The following TBC1D10B variants were observed in gnomAD, a reference collection of about 807,000 sequenced individuals.
TBC1D10B encodes the protein Rab27A-GAPbeta.
TBC1D10B carries 25 observed loss-of-function variants against 78.4 expected under a neutral mutation model. The observed-to-expected ratio is 0.32, with a 90% CI of 0.23 to 0.45. The LOEUF (loss-of-function observed/expected upper bound fraction) is 0.45, where lower values mean the gene tolerates loss of function less well. TBC1D10B is among the 20% of genes least tolerant of loss of function. The probability of loss-of-function intolerance (pLI) is 1.00; values close to 1 mark genes in which losing one functional copy is unlikely to be tolerated. For missense variants in TBC1D10B, 996 were observed against 1,104.8 expected (o/e 0.90, Z 1.40); for synonymous variants, 517 against 478.0 (o/e 1.08, Z -1.06).
chr16:30,363,636 A>G (rs2151101824), intron 4 of TBC1D10B, among the ~76,000 whole-genome samples: 1 of 152,290 alleles, frequency 6.6e-6, no homozygotes, highest in Middle Eastern at 3.4e-3. Flanking sequence ...CTCCTCCTTA[A>G]TGCTTACCAT....
chr16:30,362,747 A>C (rs1352010344), intron 4 of TBC1D10B, among the ~76,000 whole-genome samples: 1 of 152,168 alleles, frequency 6.6e-6, no homozygotes, highest in Non-Finnish European at 1.5e-5. Flanking sequence ...TTTTAAACTT[A>C]ATGTTCCCTG....
Position 30,370,407 on chromosome 16 carries a change from G to A in TBC1D10B, c.-224C>T, listed in dbSNP as rs954647028. On this transcript the variant is annotated 5_prime_UTR_variant, in exon 1 of 9. Coordinates refer to ENST00000409939, the MANE Select transcript of TBC1D10B (RefSeq NM_015527.4). Reference sequence around the variant, plus strand: ...CCCTCTCACCCCCTCGCGCGCTCTCGCCACCGCCCCCTCCCTCCTGCTTGG... The same window carrying A: ...CCCTCTCACCCCCTCGCGCGCTCTCACCACCGCCCCCTCCCTCCTGCTTGG... 2.9e-5 allele frequency: 5 copies of A among 169,732 alleles called. No homozygotes were observed. Among genetic ancestry groups the A allele is most frequent in the Admixed American group, 1.9e-4 (3 of 15,896 alleles). The allele number at this position is 169,732 out of a possible 1,614,324, so 10.5% of individuals were successfully genotyped here.
chr16:30,359,413 CA>C (rs2049584384), intron 6 of TBC1D10B, 52 bp from the exon 7 acceptor site: 1 of 1,546,784 alleles, frequency 6.5e-7, no homozygotes, highest in Non-Finnish European at 8.7e-7. Context: ...GTGCCCCCAT[CA>C]GGGGAGAACT....
At position 30,365,652 on chromosome 16, in the gene TBC1D10B, CA is replaced by C; in HGVS notation, c.957-59del. ...TAGCAATAGTGTAAAACCTGCATTGCAGGGGGAACTGAGGCAAGCCACCTCC... is the reference window on the plus strand; with the variant it reads ...TAGCAATAGTGTAAAACCTGCATTGCGGGGGAACTGAGGCAAGCCACCTCC... On this transcript the variant is annotated intron_variant, in intron 1 of 8. Coordinates refer to ENST00000409939, the MANE Select transcript of TBC1D10B (RefSeq NM_015527.4). The surrounding 1 kb of genome is among the most constrained non-coding windows in gnomAD (Gnocchi z 5.0). 6.5e-7 allele frequency: 1 copy of C among 1,531,476 alleles called. No individual in the cohort carries two copies. Among genetic ancestry groups the C allele is most frequent in the Non-Finnish European group, 9.0e-7 (1 of 1,110,326 alleles). The allele number at this position is 1,531,476 out of a possible 1,614,324, so 94.9% of individuals were successfully genotyped here. A position where few individuals can be genotyped will look rare whatever the true frequency, so the allele number is the denominator to read the frequency against.
At position 30,358,373 on chromosome 16, in the gene TBC1D10B, C is replaced by A. The variant is rs780804258; in HGVS notation, c.1998G>T (p.Lys666Asn). ...CTCCAGCTGCCCGGGAGCCTCGGCT[C>A]TTGAGGCCAGGGAGGCTGAGGAGGC... The part of the protein sequence containing the change: ...SSSLLSLPGL[K>N]SRGSRAAGGA... The change falls in exon 9 of 9, where the codon AAG becomes AAT. Residue 666 changes from lysine (K) to asparagine (N), a missense_variant. This residue lies in a region of TBC1D10B where 285 missense variants were observed against 252.5 expected (regional missense o/e 1.13). Coordinates refer to ENST00000409939, the MANE Select transcript of TBC1D10B (RefSeq NM_015527.4). 7 of 1,562,808 alleles carry A rather than the reference C, an allele frequency of 4.5e-6. No homozygotes were observed. The East Asian group carries it at 1.7e-4, about 37-fold the overall frequency.
rs1024993632 is a variant in TBC1D10B at position 30,369,731 on chromosome 16, C to G, written c.453G>C (p.Gly151=). The change falls in exon 1 of 9, where the codon GGG becomes GGC. Residue 151 remains glycine, a synonymous_variant. Transcript: ENST00000409939. The surrounding 1 kb of genome is among the most constrained non-coding windows in gnomAD (Gnocchi z 4.3). ...SPAPGPGTPT[G]TPTRTPSRTA... is the part of the protein sequence containing the mutation. ...TTCTGGAAGGGGTCCTGGTAGGGGT[C>G]CCGGTGGGGGTCCCTGGTCCTGGGG... 19 of 1,469,856 alleles carry G rather than the reference C, an allele frequency of 1.3e-5. No homozygotes were observed. Among genetic ancestry groups the G allele is most frequent in the Non-Finnish European group, 1.5e-5 (17 of 1,109,144 alleles). 91.1% of individuals were successfully genotyped at this position (1,469,856 alleles called of 1,614,324 possible). A position where few individuals can be genotyped will look rare whatever the true frequency, so the allele number is the denominator to read the frequency against.
intron 6 of TBC1D10B, 31 bp from the exon 7 acceptor site, chr16:30,359,392 C>A: frequency 6.4e-7 from 1 of 1,553,068 alleles, no homozygotes; most frequent in Non-Finnish European, 8.7e-7. Flanking sequence ...GAGAAGAGGG[C>A]CAAGTCAGCT....
Position 30,370,153 on chromosome 16 carries a change from G to A in TBC1D10B, c.31C>T (p.Pro11Ser). ...GCGGGGGCGCCATGACGGCGCGGCG[G>A]GGCCACCAGGGGCGCCGTGCCCGTC... The part of the protein sequence containing the change: METGTAPLVA[P>S]PRRHGAPAAP... The change falls in exon 1 of 9, where the codon CCG becomes TCG. Residue 11 changes from proline (P) to serine (S), a missense_variant. By Grantham distance (74) the Pro-to-Ser change is moderately conservative (BLOSUM62 -1). This residue lies in a region of TBC1D10B where 448 missense variants were observed against 442.1 expected (regional missense o/e 1.01). Transcript: ENST00000409939. The A allele has an allele frequency of 5.9e-6, 7 of 1,188,092 alleles. No homozygotes were observed. Among genetic ancestry groups the A allele is most frequent in the Non-Finnish European group, 7.3e-6 (7 of 959,826 alleles). 73.6% of individuals were successfully genotyped at this position (1,188,092 alleles called of 1,614,324 possible). A position where few individuals can be genotyped will look rare whatever the true frequency, so the allele number is the denominator to read the frequency against.
At position 30,369,919 on chromosome 16, in the gene TBC1D10B, C is replaced by G; in HGVS notation, c.265G>C (p.Val89Leu). Residue 89 changes from valine to leucine, a missense_variant, in exon 1 of 9, where the codon GTG becomes CTG. This residue lies in a region of TBC1D10B where 448 missense variants were observed against 442.1 expected (regional missense o/e 1.01). Transcript: ENST00000409939. This position sits in a 1 kb window ranked among gnomAD's most constrained non-coding sequence, Gnocchi z 4.3. Reference protein sequence around the residue: ...APAPAVTGSTVVVLTLEASPE... With the variant: ...APAPAVTGSTLVVLTLEASPE... ...GAGGCCTCCAGGGTCAGCACCACCA[C>G]CGTGCTGCCCGTGACAGCCGGGGCT... 1 of 1,331,584 alleles carries G rather than the reference C, an allele frequency of 7.5e-7. No homozygotes were observed. Among genetic ancestry groups the G allele is most frequent in the Non-Finnish European group, 9.6e-7 (1 of 1,043,766 alleles). The allele number at this position is 1,331,584 out of a possible 1,614,324, so 82.5% of individuals were successfully genotyped here. A position where few individuals can be genotyped will look rare whatever the true frequency, so the allele number is the denominator to read the frequency against.
Position 30,365,689 on chromosome 16 carries a change from A to C in TBC1D10B, c.957-95T>G. 1 of 1,157,482 alleles carries C rather than the reference A, an allele frequency of 8.6e-7. No homozygotes were observed. Among genetic ancestry groups the C allele is most frequent in the Non-Finnish European group, 1.3e-6 (1 of 781,478 alleles). The allele number at this position is 1,157,482 out of a possible 1,614,324, so 71.7% of individuals were successfully genotyped here. On this transcript the variant is annotated intron_variant, in intron 1 of 8. Transcript: ENST00000409939. The surrounding 1 kb of genome is among the most constrained non-coding windows in gnomAD (Gnocchi z 5.0). ...AGGCAAGCCACCTCCCCAAGCTCAA[A>C]CGAGAAACTGGATAGTCTGTGAGCT...
chr16:30,358,351 C>T lies in TBC1D10B; in HGVS notation c.2020G>A (p.Gly674Arg), dbSNP rs745741728. 1.9e-6 allele frequency: 3 copies of T among 1,558,442 alleles called. No homozygotes were observed. The highest frequency in any genetic ancestry group is 8.7e-7 in the Non-Finnish European group (1 of 1,151,236). The change falls in exon 9 of 9, where the codon GGA becomes AGA. Residue 674 changes from glycine (G) to arginine (R), a missense_variant. By Grantham distance (125) the Gly-to-Arg change is moderately radical. Coordinates refer to ENST00000409939, the MANE Select transcript of TBC1D10B (RefSeq NM_015527.4). ...GGGGGCGGCGGGGACGGGGCCCCTC[C>T]AGCTGCCCGGGAGCCTCGGCTCTTG... ...GLKSRGSRAAGGAPSPPPPVR... is the reference protein window; with the variant it reads ...GLKSRGSRAARGAPSPPPPVR...
At chr16:30,359,929 C>G in intron 4 of TBC1D10B, 88 bp from the exon 5 acceptor site, 2 of 1,199,504 alleles carry the variant, frequency 1.7e-6, no homozygotes, top group Non-Finnish European at 2.3e-6. Flanking sequence ...CAGAGTTTAT[C>G]ACCAGGCTCC....
intron 4 of TBC1D10B, 59 bp downstream of exon 4, chr16:30,364,841 A>G: frequency 6.8e-7 from 1 of 1,479,866 alleles, no homozygotes; most frequent in Non-Finnish European, 9.2e-7. Flanking sequence ...CCACCTAGCT[A>G]AAAGGTGGAT....
At position 30,357,292 on chromosome 16, in the gene TBC1D10B, G is replaced by C. The variant is rs947256983; in HGVS notation, c.*652C>G. ...TATGGGTCCTGGTGAGACAAAAGCAGGGGGGCCTGAGAACACAGAGCAAGG... is the reference window on the plus strand; with the variant it reads ...TATGGGTCCTGGTGAGACAAAAGCACGGGGGCCTGAGAACACAGAGCAAGG... On this transcript the variant is annotated 3_prime_UTR_variant, in exon 9 of 9. Transcript: ENST00000409939. The C allele has an allele frequency of 4.5e-5, 7 of 156,714 alleles. No homozygotes were observed. The highest frequency in any genetic ancestry group is 1.7e-4 in the African/African-American group (7 of 41,466). The allele number at this position is 156,714 out of a possible 1,614,324, so 9.7% of individuals were successfully genotyped here.
In TBC1D10B at chr16:30,359,798, G is replaced by T; in HGVS notation, c.1315C>A (p.Arg439=). The change falls in exon 5 of 9, where the codon CGG becomes AGG. Residue 439 remains arginine (R), a synonymous_variant. Coordinates refer to ENST00000409939, the MANE Select transcript of TBC1D10B (RefSeq NM_015527.4). ...YRILKAYTIY[R]PDEGYCQAQA... ...GCCTGGCAGTAACCCTCGTCAGGCC[G>T]GTAGATGGTGTAGGCCTTCAGGATT... 1 of 1,579,208 alleles carries T rather than the reference G, an allele frequency of 6.3e-7. No homozygotes were observed. The highest frequency in any genetic ancestry group is 8.6e-7 in the Non-Finnish European group (1 of 1,162,294).
At chr16:30,368,758 G>A (rs1171528641) in intron 1 of TBC1D10B, among the ~76,000 whole-genome samples, 4 of 152,138 alleles carry the variant, frequency 2.6e-5, no homozygotes, top group African/African-American at 4.8e-5. Flanking sequence ...CTGGGACCTA[G>A]GGCTATGGGG....
In TBC1D10B at chr16:30,359,207, G is replaced by A. The variant is rs1352828579; in HGVS notation, c.1607C>T (p.Ser536Leu). Residue 536 changes from serine (S) to leucine (L), a missense_variant, in exon 7 of 9, where the codon TCG becomes TTG. Transcript: ENST00000409939. ...AAACATGTCCCAGACACGCAGCACC[G>A]ACGCCCAGGGCAGGGTGCGGGCGAA... ...CIFARTLPWA[S>L]VLRVWDMFFC... is the part of the protein sequence containing the mutation. 1.4e-5 allele frequency: 22 copies of A among 1,613,014 alleles called. No homozygotes were observed. The highest frequency in any genetic ancestry group is 2.7e-5 in the African/African-American group (2 of 74,940).
chr16:30,363,987 C>T (rs887313500), intron 4 of TBC1D10B, among the ~76,000 whole-genome samples: 5 of 151,804 alleles, frequency 3.3e-5, no homozygotes, highest in Admixed American at 2.0e-4. Flanking sequence ...TGTGGTGGCG[C>T]GCACCTGTAA....
Position 30,365,069 on chromosome 16 carries a change from G to T in TBC1D10B, c.1164+36C>A. 3 of 1,612,872 alleles carry T rather than the reference G, an allele frequency of 1.9e-6. No individual in the cohort carries two copies. The highest frequency in any genetic ancestry group is 2.5e-6 in the Non-Finnish European group (3 of 1,178,956). On this transcript the variant is annotated intron_variant, in intron 3 of 8. Coordinates refer to ENST00000409939, the MANE Select transcript of TBC1D10B (RefSeq NM_015527.4). This position sits in a 1 kb window ranked among gnomAD's most constrained non-coding sequence, Gnocchi z 5.0. ...GGAACTGATACCCCTTGCACAGACA[G>T]GGCCACATGTCCCCACACCTTGGAG... is the stretch of plus-strand genomic sequence containing the variant.
Sources: allele counts gnomAD v4.1 joint callset (sites outside exome capture counted in the v4.1 genomes callset), GRCh38; gene constraint gnomAD v4.1.1; regional missense constraint gnomAD v4.1.1; non-coding constraint Gnocchi (gnomAD v3.1); transcripts MANE v1.5; gene names NCBI Gene and HGNC (gene_info 2026-07-23, HGNC 2026-07-21).